Variants in NEO1 observed in about 807,000 individuals in gnomAD.
NEO1 encodes neogenin.
In NEO1, 63 loss-of-function variants were observed where a neutral mutation model predicts 159.7. The ratio of observed to expected loss-of-function variants is 0.39; its 90% confidence interval spans 0.32 to 0.49. NEO1 has a LOEUF of 0.49. Among genes scored for constraint, NEO1 ranks in the 20% least tolerant of loss-of-function variants. The probability of loss-of-function intolerance (pLI) is 0.85; values close to 1 mark genes in which losing one functional copy is unlikely to be tolerated. For synonymous variants in NEO1, 633 were observed against 662.0 expected, an observed-to-expected ratio of 0.96 and a Z score of 0.67; for missense variants, 1,615 against 1,831.0, an observed-to-expected ratio of 0.88 and a Z score of 2.15.
rs137949030 is a variant in NEO1 at position 73,225,018 on chromosome 15, C to G, written c.1292-11329C>G. 3.3e-5 allele frequency among the ~76,000 whole-genome samples: 5 copies of G among 152,208 alleles called. No individual in the cohort carries two copies. In the East Asian group the frequency reaches 9.7e-4, roughly 29 times the overall value. On this transcript the variant is annotated intron_variant, in intron 7 of 28. Coordinates refer to ENST00000261908, the MANE Select transcript of NEO1 (RefSeq NM_002499.4). ...GTGTTCCCTTGATGTAGTCTCTCCC[C>G]CTTTTCCTATGGATGTGGCTTCCTG...
intron 22 of NEO1, among the ~76,000 whole-genome samples, chr15:73,279,203 T>A (rs1316548737): frequency 1.2e-4 from 19 of 152,196 alleles, no homozygotes; most frequent in Admixed American, 1.2e-3. Flanking sequence ...ACTCTGTTTA[T>A]GAGTTTCTTC....
At chr15:73,180,516 T>C (rs1378399744) in intron 7 of NEO1, among the ~76,000 whole-genome samples, 2 of 152,178 alleles carry the variant, frequency 1.3e-5, no homozygotes, top group Non-Finnish European at 2.9e-5. Flanking sequence ...TTCTTTTTAC[T>C]TGTGGCAGTG....
intron 9 of NEO1, among the ~76,000 whole-genome samples, chr15:73,246,525 GAT>G (rs200581081): frequency 0.014 from 2,064 of 152,300 alleles, 20 homozygotes; most frequent in South Asian, 0.017. Flanking sequence ...TACTGTAAAA[GAT>G]AGAAAAGTCA....
intron 6 of NEO1, among the ~76,000 whole-genome samples, chr15:73,177,492 T>A (rs1024074012): frequency 1.3e-5 from 2 of 152,174 alleles, no homozygotes; most frequent in African/African-American, 4.8e-5. Flanking sequence ...AAAATCAATA[T>A]TTGGAAACTA....
intron 7 of NEO1, among the ~76,000 whole-genome samples, chr15:73,231,189 A>G (rs1256052910): frequency 1.3e-5 from 2 of 152,242 alleles, no homozygotes; most frequent in African/African-American, 4.8e-5. Context: ...TAACGCTGTC[A>G]ACCAGCTTGA....
intron 7 of NEO1, among the ~76,000 whole-genome samples, chr15:73,205,264 A>T (rs767268255): frequency 6.6e-6 from 1 of 152,030 alleles, no homozygotes; most frequent in Non-Finnish European, 1.5e-5. Context: ...AGTGTTCCCA[A>T]TCTATTTCCT....
At chr15:73,138,108 C>T (rs1047753863) in intron 5 of NEO1, among the ~76,000 whole-genome samples, 1 of 152,054 alleles carries the variant, frequency 6.6e-6, no homozygotes, top group Non-Finnish European at 1.5e-5. Flanking sequence ...GGCCCATTTA[C>T]AGTAACATAC....
At chr15:73,220,469 T>G (rs545079582) in intron 7 of NEO1, among the ~76,000 whole-genome samples, 2,053 of 152,212 alleles carry the variant, frequency 0.013, 44 homozygotes, top group African/African-American at 0.047. Context: ...ATCTGAATGT[T>G]GGCCTGCCTT....
At chr15:73,144,141 T>C (rs951044753) in intron 5 of NEO1, among the ~76,000 whole-genome samples, 1 of 152,210 alleles carries the variant, frequency 6.6e-6, no homozygotes, top group Non-Finnish European at 1.5e-5. Flanking sequence ...GTAAAAGAAA[T>C]GGGATTAAAA....
chr15:73,193,108 A>G (rs1164552791), intron 7 of NEO1, among the ~76,000 whole-genome samples: 1 of 152,052 alleles, frequency 6.6e-6, no homozygotes, highest in African/African-American at 2.4e-5. Context: ...TTTTTTTCCT[A>G]GAAGATGAAT....
At chr15:73,058,352 C>T (rs1412719936) in intron 1 of NEO1, among the ~76,000 whole-genome samples, 3 of 152,258 alleles carry the variant, frequency 2.0e-5, no homozygotes, top group South Asian at 2.1e-4. Flanking sequence ...AGTGCCTTGC[C>T]GAAGGTCTCA....
At chr15:73,204,214 G>A (rs931369197) in intron 7 of NEO1, among the ~76,000 whole-genome samples, 5 of 151,714 alleles carry the variant, frequency 3.3e-5, no homozygotes, top group Non-Finnish European at 5.9e-5. Context: ...TCTGGAGGTA[G>A]GGTGGTTTTT....
At chr15:73,121,866 T>C (rs1338624369) in intron 2 of NEO1, among the ~76,000 whole-genome samples, 1 of 152,022 alleles carries the variant, frequency 6.6e-6, no homozygotes, top group East Asian at 1.9e-4. Context: ...TGGACAGTTT[T>C]CTTACTTTAC....
intron 7 of NEO1, among the ~76,000 whole-genome samples, chr15:73,192,227 T>A (rs1230596454): frequency 6.6e-6 from 1 of 152,054 alleles, no homozygotes; most frequent in Admixed American, 6.5e-5. Context: ...AGAAGGAGCC[T>A]ATGCGTGTGT....
intron 25 of NEO1, among the ~76,000 whole-genome samples, chr15:73,291,801 A>G (rs1012590731): frequency 6.6e-6 from 1 of 152,208 alleles, no homozygotes; most frequent in African/African-American, 2.4e-5. Context: ...AAGACTGGAA[A>G]TGCCTTATAA....
chr15:73,150,328 A>T (rs1046963812), intron 5 of NEO1, among the ~76,000 whole-genome samples: 6 of 152,136 alleles, frequency 3.9e-5, no homozygotes, highest in Non-Finnish European at 5.9e-5. Context: ...AATCATAGTA[A>T]TTTCCCAATA....
intron 7 of NEO1, among the ~76,000 whole-genome samples, chr15:73,201,695 A>T (rs62017774): frequency 6.6e-6 from 1 of 151,968 alleles, no homozygotes; most frequent in Non-Finnish European, 1.5e-5. Flanking sequence ...AATTTTGCCT[A>T]TCCTCTTGCA....
chr15:73,191,799 T>A (rs1236497449), intron 7 of NEO1, among the ~76,000 whole-genome samples: 3 of 152,088 alleles, frequency 2.0e-5, no homozygotes, highest in Non-Finnish European at 2.9e-5. Flanking sequence ...CACATGTTCA[T>A]TGTCAAGAAT....
intron 1 of NEO1, among the ~76,000 whole-genome samples, chr15:73,075,067 T>C (rs2068706095): frequency 6.6e-6 from 1 of 152,220 alleles, no homozygotes; most frequent in Non-Finnish European, 1.5e-5. Flanking sequence ...TTTCTGCTTT[T>C]ATAGGTGAAA....
Sources: allele counts gnomAD v4.1 joint callset (sites outside exome capture counted in the v4.1 genomes callset), GRCh38; gene constraint gnomAD v4.1.1; transcripts MANE v1.5; gene names NCBI Gene and HGNC (gene_info 2026-07-23, HGNC 2026-07-21).